The following DCLK1 variants were observed in gnomAD, a reference collection of about 807,000 sequenced individuals.
DCLK1 encodes the protein doublecortin like kinase 1.
A neutral mutation model predicts 86.2 loss-of-function variants in DCLK1; 16 were observed. The observed-to-expected ratio is 0.19, with a 90% CI of 0.13 to 0.28. The LOEUF is 0.28. Ranked by LOEUF, DCLK1 falls within the 10% of genes least tolerant of loss-of-function variation. The pLI is 1.00. For missense variants in DCLK1, 590 were observed against 940.2 expected, an observed-to-expected ratio of 0.63 and a Z score of 4.87; for synonymous variants, 369 against 370.5, an observed-to-expected ratio of 1.00 and a Z score of 0.05.
intron 3 of DCLK1, among the ~76,000 whole-genome samples, chr13:36,044,824 A>T (rs1882820018): frequency 6.6e-6 from 1 of 152,068 alleles, no homozygotes. Flanking sequence ...CAAAATAAAC[A>T]TATTTTTTTA....
intron 3 of DCLK1, among the ~76,000 whole-genome samples, chr13:36,008,031 T>A (rs933035669): frequency 2.0e-5 from 3 of 151,758 alleles, no homozygotes; most frequent in Non-Finnish European, 4.4e-5. Flanking sequence ...TTAGGTTTCT[T>A]CTTATGAACA....
At chr13:35,823,242 T>A (rs1333489769) in intron 10 of DCLK1, among the ~76,000 whole-genome samples, 1 of 152,106 alleles carries the variant, frequency 6.6e-6, no homozygotes, top group African/African-American at 2.4e-5. Context: ...TGCCTCACAT[T>A]GACTGCCAGC....
chr13:35,866,776 T>C (rs115641027), intron 5 of DCLK1, among the ~76,000 whole-genome samples: 487 of 152,252 alleles, frequency 3.2e-3, no homozygotes, highest in African/African-American at 0.011. Flanking sequence ...GTTTATGGAG[T>C]ATTTAAGTAA....
intron 3 of DCLK1, among the ~76,000 whole-genome samples, chr13:36,041,935 A>C (rs1194973405): frequency 1.3e-5 from 2 of 152,194 alleles, no homozygotes; most frequent in Non-Finnish European, 2.9e-5. Flanking sequence ...GACTCTATCT[A>C]TAAGGAATTT....
rs147671101 is a variant in DCLK1, at chr13:35,917,657, G to A, written c.823+29701C>T. ...CAACAACTGAAAACAAAAAGAAAAT[G>A]AAAGCTTATAAACTGGATACCTACT... is the stretch of plus-strand genomic sequence containing the variant. On this transcript the variant is annotated intron_variant, in intron 4 of 16. Coordinates refer to ENST00000360631, the MANE Select transcript of DCLK1 (RefSeq NM_001330071.2). Among the ~76,000 whole-genome samples, 357 of 152,284 alleles carry A rather than the reference G, an allele frequency of 2.3e-3. 1 individual carries two copies. Among genetic ancestry groups the A allele is most frequent in the Non-Finnish European group, 2.7e-3 (187 of 68,024 alleles).
chr13:35,882,727 G>T (rs1160011655), intron 4 of DCLK1, among the ~76,000 whole-genome samples: 1 of 151,874 alleles, frequency 6.6e-6, no homozygotes, highest in Non-Finnish European at 1.5e-5. Flanking sequence ...CCTGGTTAAC[G>T]TTCTGTTCAT....
chr13:35,883,517 G>A (rs1873042305), intron 4 of DCLK1, among the ~76,000 whole-genome samples: 1 of 152,116 alleles, frequency 6.6e-6, no homozygotes. Flanking sequence ...CATGCTTCTT[G>A]TGTAGTCTGC....
chr13:35,835,169 C>T (rs548273631), intron 8 of DCLK1, among the ~76,000 whole-genome samples: 2 of 152,042 alleles, frequency 1.3e-5, no homozygotes, highest in African/African-American at 4.8e-5. Context: ...GTGTGATTCT[C>T]GGAGGATTAA....
intron 3 of DCLK1, among the ~76,000 whole-genome samples, chr13:36,086,493 T>C (rs369377363): frequency 2.9e-4 from 43 of 150,246 alleles, no homozygotes; most frequent in African/African-American, 9.6e-4. Context: ...CTGGGATACA[T>C]GCGCAGAACG....
intron 10 of DCLK1, among the ~76,000 whole-genome samples, chr13:35,827,382 T>G (rs1400371135): frequency 6.6e-6 from 1 of 152,124 alleles, no homozygotes; most frequent in Non-Finnish European, 1.5e-5. Context: ...TAAGCAGATA[T>G]TATTAATATT....
At chr13:35,921,020 A>G (rs1484737454) in intron 4 of DCLK1, among the ~76,000 whole-genome samples, 2 of 151,968 alleles carry the variant, frequency 1.3e-5, no homozygotes, top group Non-Finnish European at 2.9e-5. Context: ...ACACCTCCAC[A>G]ATGACTATTT....
rs1326617533 is a variant in DCLK1 at position 35,769,530 on chromosome 13, T to C, written c.*5005A>G. 1 of 152,210 alleles carries C rather than the reference T, an allele frequency of 6.6e-6. No individual in the cohort carries two copies. The highest frequency in any genetic ancestry group is 2.4e-5 in the African/African-American group (1 of 41,440). The allele number at this position is 152,210 out of a possible 1,614,324, so 9.4% of individuals were successfully genotyped here. ...CCAGTTTCAATTTCTTTTTATTTTT[T>C]CTGAGAATACACCAAAGATTAATGT... On this transcript the variant is annotated 3_prime_UTR_variant, in exon 17 of 17. Coordinates refer to ENST00000360631, the MANE Select transcript of DCLK1 (RefSeq NM_001330071.2).
chr13:35,987,759 A>C (rs1482691954), intron 3 of DCLK1, among the ~76,000 whole-genome samples: 1 of 152,218 alleles, frequency 6.6e-6, no homozygotes, highest in Non-Finnish European at 1.5e-5. Flanking sequence ...ATAGAGTCCC[A>C]GTCTGTAACA....
chr13:36,004,416 G>C (rs1880855180), intron 3 of DCLK1, among the ~76,000 whole-genome samples: 2 of 152,142 alleles, frequency 1.3e-5, no homozygotes, highest in Non-Finnish European at 2.9e-5. Flanking sequence ...CACATAGTGG[G>C]GGCTCAATAA....
At chr13:35,846,243 A>G in intron 6 of DCLK1, 1 of 985,060 alleles carries the variant, frequency 1.0e-6, no homozygotes, top group Non-Finnish European at 1.2e-6. Context: ...AACGTTATCC[A>G]AATTTACAAC....
intron 4 of DCLK1, among the ~76,000 whole-genome samples, chr13:35,895,844 G>A (rs534655091): frequency 2.4e-4 from 37 of 151,660 alleles, no homozygotes; most frequent in African/African-American, 8.9e-4. Context: ...AAAGTAAAAT[G>A]AATAAATTTT....
chr13:35,931,047 C>G (rs1009457494), intron 4 of DCLK1, among the ~76,000 whole-genome samples: 3 of 152,158 alleles, frequency 2.0e-5, no homozygotes, highest in Non-Finnish European at 4.4e-5. Context: ...GACAATCACC[C>G]AGACAAAGCT....
At chr13:36,104,278 G>A (rs1476118273) in intron 3 of DCLK1, among the ~76,000 whole-genome samples, 1 of 152,186 alleles carries the variant, frequency 6.6e-6, no homozygotes, top group Non-Finnish European at 1.5e-5. Flanking sequence ...CAGCAAACTG[G>A]TCAATCATCC....
intron 6 of DCLK1, among the ~76,000 whole-genome samples, chr13:35,843,312 C>T (rs1362879385): frequency 6.6e-6 from 1 of 152,132 alleles, no homozygotes; most frequent in Admixed American, 6.5e-5. Flanking sequence ...CACCCCCAAG[C>T]AGATTTAATG....
Sources: gnomAD v4.1 joint callset for allele counts (sites outside exome capture counted in the v4.1 genomes callset) on GRCh38, gnomAD v4.1.1 for gene constraint, MANE v1.5 for transcripts, NCBI Gene and HGNC (gene_info 2026-07-23, HGNC 2026-07-21) for gene names.